Variants in NEDD4L observed in about 807,000 individuals in gnomAD.
NEDD4L encodes NEDD4 like E3 ubiquitin protein ligase, also known as E3 ubiquitin-protein ligase NEDD4-like.
In NEDD4L, 54 loss-of-function variants were observed where a neutral mutation model predicts 148.9. The ratio of observed to expected loss-of-function variants is 0.36; its 90% CI spans 0.29 to 0.45. The LOEUF (loss-of-function observed/expected upper bound fraction) is 0.45. Ranked by LOEUF, NEDD4L falls within the 20% of genes least tolerant of loss-of-function variation. The pLI, the probability that NEDD4L is intolerant of heterozygous loss-of-function variation, is 1.00. For synonymous variants in NEDD4L, 433 were observed against 440.7 expected (o/e 0.98, Z 0.22); for missense variants, 856 against 1,233.8 (o/e 0.69, Z 4.59).
chr18:58,390,616 G>T (rs779787286), intron 28 of NEDD4L, 30 bp from the exon 29 acceptor site: 2 of 1,419,680 alleles, frequency 1.4e-6, no homozygotes, highest in Middle Eastern at 1.8e-4. Context: ...TCACGTGGGG[G>T]GTATAATGAC....
At chr18:58,165,047 G>T (rs528614875) in intron 1 of NEDD4L, among the ~76,000 whole-genome samples, 92 of 152,110 alleles carry the variant, frequency 6.0e-4, no homozygotes, top group Non-Finnish European at 1.1e-3. Flanking sequence ...CCTAAATGTC[G>T]TAGCCCTTAT....
intron 5 of NEDD4L, among the ~76,000 whole-genome samples, chr18:58,258,411 A>G (rs1456009596): frequency 6.6e-6 from 1 of 152,252 alleles, no homozygotes; most frequent in Non-Finnish European, 1.5e-5. Flanking sequence ...CCAAAAACTG[A>G]AATCACTTTG....
At chr18:58,159,344 A>T (rs1298874004) in intron 1 of NEDD4L, among the ~76,000 whole-genome samples, 1 of 152,216 alleles carries the variant, frequency 6.6e-6, no homozygotes, top group Non-Finnish European at 1.5e-5. Flanking sequence ...ACATTTGTCC[A>T]AACTCAAGGA....
intron 24 of NEDD4L, among the ~76,000 whole-genome samples, chr18:58,379,485 AAGG>A (rs1294625555): frequency 2.0e-5 from 3 of 152,206 alleles, no homozygotes; most frequent in Non-Finnish European, 4.4e-5. Flanking sequence ...ATTTGGGCGA[AAGG>A]AGAACACAGG....
At chr18:58,359,367 G>T (rs2045171057) in intron 19 of NEDD4L, among the ~76,000 whole-genome samples, 1 of 152,086 alleles carries the variant, frequency 6.6e-6, no homozygotes, top group African/African-American at 2.4e-5. Flanking sequence ...ATTAAACTGT[G>T]TAACCCACAT....
chr18:58,203,473 GTAA>G (rs1231661883), intron 2 of NEDD4L, among the ~76,000 whole-genome samples: 2 of 151,784 alleles, frequency 1.3e-5, no homozygotes, highest in African/African-American at 2.4e-5. Context: ...GGAAGTGGTG[GTAA>G]TAATCTAAGT....
chr18:58,065,949 T>C (rs7231889), intron 1 of NEDD4L, among the ~76,000 whole-genome samples: 2,275 of 152,310 alleles, frequency 0.015, 52 homozygotes, highest in African/African-American at 0.051. Flanking sequence ...AATAAGTGTT[T>C]AGAGTCCCAA....
At chr18:58,093,563 C>T (rs1172544287) in intron 1 of NEDD4L, among the ~76,000 whole-genome samples, 1 of 152,174 alleles carries the variant, frequency 6.6e-6, no homozygotes, top group Non-Finnish European at 1.5e-5. Flanking sequence ...TGAATACCTT[C>T]AATTCACTAC....
intron 6 of NEDD4L, among the ~76,000 whole-genome samples, chr18:58,316,814 G>A (rs1038273067): frequency 3.9e-5 from 6 of 152,236 alleles, no homozygotes; most frequent in African/African-American, 7.2e-5. Context: ...TCTTCCCTGG[G>A]CAGCACAACG....
intron 5 of NEDD4L, among the ~76,000 whole-genome samples, chr18:58,259,153 C>T (rs1371029110): frequency 6.6e-6 from 1 of 152,106 alleles, no homozygotes; most frequent in African/African-American, 2.4e-5. Context: ...TTGTTGAGTA[C>T]TTTTATCTGT....
chr18:58,376,875 G>T (rs1394524465), intron 24 of NEDD4L, among the ~76,000 whole-genome samples: 1 of 152,160 alleles, frequency 6.6e-6, no homozygotes, highest in African/African-American at 2.4e-5. Context: ...TCCAACACAA[G>T]CCCCTTCCTG....
At chr18:58,362,018 C>G (rs2045554858) in intron 19 of NEDD4L, among the ~76,000 whole-genome samples, 1 of 152,170 alleles carries the variant, frequency 6.6e-6, no homozygotes, top group Non-Finnish European at 1.5e-5. Context: ...TGAGAACTAC[C>G]TCTGGAGAGA....
At chr18:58,298,111 G>A (rs1267278195) in intron 5 of NEDD4L, among the ~76,000 whole-genome samples, 3 of 152,190 alleles carry the variant, frequency 2.0e-5, no homozygotes, top group Admixed American at 2.0e-4. Flanking sequence ...TAAAATCAAG[G>A]AGACTTACAT....
chr18:58,367,892 GGTCA>G, intron 22 of NEDD4L, 25 bp downstream of exon 22: 1 of 1,613,310 alleles, frequency 6.2e-7, no homozygotes, highest in East Asian at 2.2e-5. Flanking sequence ...AATAAAAATA[GGTCA>G]GTGCTGCTTG....
In NEDD4L at chr18:58,333,828, C is replaced by G. The variant is rs2041359266; in HGVS notation, c.1001C>G (p.Pro334Arg). The change falls in exon 12 of 31, where the codon CCC (proline) becomes CGC (arginine). Residue 334 changes from proline to arginine, a missense_variant. By Grantham distance (103) the Pro-to-Arg change is moderately radical. This residue lies in a region of NEDD4L where 367 missense variants were observed against 422.7 expected (regional missense o/e 0.87). Coordinates refer to ENST00000400345, the MANE Select transcript of NEDD4L (RefSeq NM_001144967.3). The stretch of plus-strand genomic sequence containing the variant: ...TTCCTCTCCTTCCAGCAAAGAGAAC[C>G]CTCCTCAAGGTTGAGGTCATGCAGT... ...EQFSSLIQRE[P>R]SSRLRSCSVT... The G allele has an allele frequency of 1.2e-6, 2 of 1,613,242 alleles. No homozygotes were observed. The highest frequency in any genetic ancestry group is 1.7e-5 in the Admixed American group (1 of 59,990).
intron 2 of NEDD4L, among the ~76,000 whole-genome samples, chr18:58,185,513 C>G (rs1438740602): frequency 6.6e-6 from 1 of 152,150 alleles, no homozygotes; most frequent in Non-Finnish European, 1.5e-5. Flanking sequence ...CACAGCTACC[C>G]TTAAACTATC....
chr18:58,213,939 G>A (rs767057876), intron 2 of NEDD4L, among the ~76,000 whole-genome samples: 1 of 152,122 alleles, frequency 6.6e-6, no homozygotes, highest in African/African-American at 2.4e-5. Flanking sequence ...TGTGCCTCTC[G>A]TTTGCCCCTT....
intron 2 of NEDD4L, among the ~76,000 whole-genome samples, chr18:58,190,937 C>A (rs1025155574): frequency 6.6e-6 from 1 of 151,970 alleles, no homozygotes. Context: ...GTAGTGAGAC[C>A]CCATACCTAC....
chr18:58,071,328 T>C (rs759480476), intron 1 of NEDD4L, among the ~76,000 whole-genome samples: 11 of 151,934 alleles, frequency 7.2e-5, no homozygotes, highest in Admixed American at 1.3e-4. Context: ...AAAAAAAATA[T>C]TGGGTGACCA....
Sources: allele counts gnomAD v4.1 joint callset (sites outside exome capture counted in the v4.1 genomes callset), GRCh38; gene constraint gnomAD v4.1.1; regional missense constraint gnomAD v4.1.1; transcripts MANE v1.5; gene names NCBI Gene and HGNC (gene_info 2026-07-23, HGNC 2026-07-21).